LRRIQ1: variants seen among roughly 807,000 people sequenced by gnomAD.
LRRIQ1 encodes the protein leucine-rich repeat- and IQ domain-containing protein 1.
A neutral mutation model predicts 211.9 loss-of-function variants in LRRIQ1; 210 were observed. The ratio of observed to expected loss-of-function variants is 0.99; its 90% CI spans 0.89 to 1.11. The LOEUF is 1.11. Ranked by LOEUF, LRRIQ1 falls within the 50% of genes most tolerant of loss-of-function variation. The pLI is 0.00. For missense variants in LRRIQ1, 2,136 were observed against 1,939.5 expected (o/e 1.10, Z -1.90); for synonymous variants, 699 against 650.1 (o/e 1.08, Z -1.14).
Position 85,065,350 on chromosome 12 carries a change from G to T in LRRIQ1, c.2480G>T (p.Arg827Leu), listed in dbSNP as rs751948552. 1.2e-6 allele frequency: 2 copies of T among 1,610,694 alleles called. No homozygotes were observed. Among genetic ancestry groups the T allele is most frequent in the African/African-American group, 2.7e-5 (2 of 74,618 alleles). The change falls in exon 9 of 27, where the codon CGC (arginine) becomes CTC (leucine). Residue 827 changes from arginine to leucine, a missense_variant. By Grantham distance (102) the Arg-to-Leu change is moderately radical (BLOSUM62 -2). Coordinates refer to ENST00000393217, the MANE Select transcript of LRRIQ1 (RefSeq NM_001079910.2). Reference protein sequence around the residue: ...CTNLQFLSLRRCGLTSLHSLS... With the variant: ...CTNLQFLSLRLCGLTSLHSLS... Reference sequence around the variant, plus strand: ...AATCTTCAGTTTCTATCCCTTCGACGCTGTGGATTAACTTCTTTGCACAGC... The same window carrying T: ...AATCTTCAGTTTCTATCCCTTCGACTCTGTGGATTAACTTCTTTGCACAGC...
At chr12:85,222,868 C>A (rs1894466122) in intron 24 of LRRIQ1, among the ~76,000 whole-genome samples, 1 of 152,074 alleles carries the variant, frequency 6.6e-6, no homozygotes, top group Admixed American at 6.6e-5. Context: ...TATATCACCA[C>A]ATATAGGACT....
chr12:85,056,172 C>A lies in LRRIQ1; in HGVS notation c.1379C>A (p.Ser460Ter). The change falls in exon 8 of 27, where the codon TCA becomes TAA. Residue 460 changes from serine (S) to a stop codon, truncating the protein, a stop_gained. Coordinates refer to ENST00000393217, the MANE Select transcript of LRRIQ1 (RefSeq NM_001079910.2). LOFTEE classifies it high-confidence loss of function. ...NVDRQTILKE[S>*]IQVKLKESIS... ...GATAGACAGACTATATTAAAAGAATCAATACAAGTAAAGTTAAAAGAATCT... is the reference window on the plus strand; with the variant it reads ...GATAGACAGACTATATTAAAAGAATAAATACAAGTAAAGTTAAAAGAATCT... 1 of 1,586,420 alleles carries A rather than the reference C, an allele frequency of 6.3e-7. No individual in the cohort carries two copies. Among genetic ancestry groups the A allele is most frequent in the African/African-American group, 1.4e-5 (1 of 73,250 alleles).
At chr12:85,043,901 A>C (rs947471405) in intron 3 of LRRIQ1, among the ~76,000 whole-genome samples, 2 of 151,912 alleles carry the variant, frequency 1.3e-5, no homozygotes, top group African/African-American at 2.4e-5. Flanking sequence ...AAACATCATC[A>C]CCTGCCTCCC....
intron 3 of LRRIQ1, among the ~76,000 whole-genome samples, chr12:85,042,048 T>C (rs1032519227): frequency 1.3e-5 from 2 of 152,000 alleles, no homozygotes; most frequent in Non-Finnish European, 2.9e-5. Context: ...AATGTTGACA[T>C]GTTTTGTTTA....
At chr12:85,087,940 T>C (rs1448746159) in intron 11 of LRRIQ1, among the ~76,000 whole-genome samples, 1 of 152,232 alleles carries the variant, frequency 6.6e-6, no homozygotes, top group Non-Finnish European at 1.5e-5. Flanking sequence ...GCAGAAGCTC[T>C]TTAGTTTAAT....
At chr12:85,165,911 C>T (rs1182092764) in intron 24 of LRRIQ1, among the ~76,000 whole-genome samples, 3 of 152,060 alleles carry the variant, frequency 2.0e-5, no homozygotes, top group South Asian at 2.1e-4. Context: ...CATACGAGTG[C>T]ATGTCTTTTT....
At chr12:85,163,170 C>G (rs1350969363) in intron 24 of LRRIQ1, among the ~76,000 whole-genome samples, 1 of 152,068 alleles carries the variant, frequency 6.6e-6, no homozygotes, top group African/African-American at 2.4e-5. Flanking sequence ...CCTCCTGAAC[C>G]CAATTCTTCT....
At chr12:85,158,232 A>G (rs1383456333) in intron 23 of LRRIQ1, among the ~76,000 whole-genome samples, 1 of 151,864 alleles carries the variant, frequency 6.6e-6, no homozygotes, top group Non-Finnish European at 1.5e-5. Flanking sequence ...ATGAATGTCA[A>G]TTGACTAAAA....
chr12:85,110,865 A>G (rs1357309930), intron 15 of LRRIQ1, among the ~76,000 whole-genome samples: 1 of 152,076 alleles, frequency 6.6e-6, no homozygotes, highest in Non-Finnish European at 1.5e-5. Context: ...ATGAGAAATC[A>G]AGTACTTACA....
At chr12:85,067,521 G>A (rs543364289) in intron 10 of LRRIQ1, among the ~76,000 whole-genome samples, 68 of 151,420 alleles carry the variant, frequency 4.5e-4, no homozygotes, top group African/African-American at 1.5e-3. Context: ...TTTTTTTGTG[G>A]ACCCAACTTT....
chr12:85,092,132 A>G (rs2136234481), intron 11 of LRRIQ1, among the ~76,000 whole-genome samples: 1 of 152,314 alleles, frequency 6.6e-6, no homozygotes, highest in African/African-American at 2.4e-5. Flanking sequence ...TAACATTTGC[A>G]GAGAGTTTTG....
intron 24 of LRRIQ1, among the ~76,000 whole-genome samples, chr12:85,199,373 C>G (rs528811496): frequency 1.3e-5 from 2 of 152,040 alleles, no homozygotes; most frequent in Non-Finnish European, 2.9e-5. Context: ...TAGGGAAGTC[C>G]TTTCCCCATT....
At chr12:85,045,228 A>G (rs1338812573) in intron 4 of LRRIQ1, among the ~76,000 whole-genome samples, 1 of 151,956 alleles carries the variant, frequency 6.6e-6, no homozygotes, top group Non-Finnish European at 1.5e-5. Flanking sequence ...AGAAACAAAT[A>G]AAAGAAAAAC....
intron 1 of LRRIQ1, among the ~76,000 whole-genome samples, chr12:85,037,078 CT>C (rs1400606606): frequency 6.6e-6 from 1 of 152,096 alleles, no homozygotes; most frequent in Non-Finnish European, 1.5e-5. Flanking sequence ...AATATAAACT[CT>C]TTGCAATGAT....
At chr12:85,049,621 T>G (rs1387942467) in intron 6 of LRRIQ1, among the ~76,000 whole-genome samples, 2 of 152,232 alleles carry the variant, frequency 1.3e-5, no homozygotes, top group Admixed American at 1.3e-4. Context: ...TCTTATGTTT[T>G]TCTTTAGCTG....
intron 24 of LRRIQ1, 110 bp downstream of exon 24, chr12:85,160,824 A>ATTCT: frequency 4.4e-6 from 2 of 451,540 alleles, no homozygotes; most frequent in Non-Finnish European, 7.2e-6. Context: ...TATATAAAGA[A>ATTCT]TTATGTATAA....
intron 19 of LRRIQ1, among the ~76,000 whole-genome samples, chr12:85,146,638 C>T (rs1889910529): frequency 6.6e-6 from 1 of 151,664 alleles, no homozygotes; most frequent in Non-Finnish European, 1.5e-5. Context: ...TTTTTGTTCT[C>T]CACCTACTCC....
chr12:85,103,570 T>C (rs955471637), intron 13 of LRRIQ1, among the ~76,000 whole-genome samples: 1 of 151,664 alleles, frequency 6.6e-6, no homozygotes, highest in African/African-American at 2.4e-5. Flanking sequence ...ATTTGTACCT[T>C]AAAAGTTTTG....
chr12:85,118,660 A>G (rs2136403694), intron 15 of LRRIQ1, among the ~76,000 whole-genome samples: 1 of 152,128 alleles, frequency 6.6e-6, no homozygotes, highest in East Asian at 1.9e-4. Flanking sequence ...TTCATGGGCC[A>G]CTTCTTTTGT....
Sources: gnomAD v4.1 joint callset for allele counts (sites outside exome capture counted in the v4.1 genomes callset) on GRCh38, gnomAD v4.1.1 for gene constraint, MANE v1.5 for transcripts, NCBI Gene and HGNC (gene_info 2026-07-23, HGNC 2026-07-21) for gene names.